The following GRID2 variants were observed in gnomAD, a reference collection of about 807,000 sequenced individuals.
GRID2 encodes glutamate receptor ionotropic, delta-2.
GRID2 carries 33 observed loss-of-function variants against 114.8 expected under a neutral mutation model. The ratio of observed to expected loss-of-function variants is 0.29; its 90% confidence interval spans 0.22 to 0.38. The LOEUF (loss-of-function observed/expected upper bound fraction) is 0.38, where lower values mean the gene tolerates loss of function less well. Ranked by LOEUF, GRID2 falls within the 10% of genes least tolerant of loss-of-function variation. The pLI is 1.00. For synonymous variants in GRID2, 505 were observed against 449.9 expected (o/e 1.12, Z -1.55); for missense variants, 1,184 against 1,257.7 (o/e 0.94, Z 0.89).
rs144621899 is a variant in GRID2, at chr4:93,033,364, G to C, written c.245-51631G>C. ...ACCGCAGGAAGAAGTACCTAAGGCA[G>C]ACTCCAAGAAAATACCAAACATAGA... On this transcript the variant is annotated intron_variant, in intron 2 of 15. Transcript: ENST00000282020. Among the ~76,000 whole-genome samples the C allele has an allele frequency of 5.9e-4, 90 of 152,308 alleles. 1 individual carries two copies. In the East Asian group the frequency reaches 0.017, roughly 28 times the overall value.
At chr4:92,526,396 T>G (rs796739684) in intron 1 of GRID2, among the ~76,000 whole-genome samples, 3 of 152,204 alleles carry the variant, frequency 2.0e-5, no homozygotes, top group African/African-American at 7.2e-5. Flanking sequence ...CAGGCAGGAG[T>G]GCAATGGAGC....
chr4:93,140,078 G>C (rs1735618618), intron 4 of GRID2, among the ~76,000 whole-genome samples: 1 of 151,822 alleles, frequency 6.6e-6, no homozygotes. Context: ...AAAGTATCTT[G>C]GATGTGCCAA....
chr4:92,896,190 T>A (rs1460909888), intron 2 of GRID2, among the ~76,000 whole-genome samples: 2 of 152,170 alleles, frequency 1.3e-5, no homozygotes, highest in Non-Finnish European at 2.9e-5. Flanking sequence ...AAAACAAATA[T>A]GTTCTGATTT....
At chr4:93,633,154 A>C (rs1399905258) in intron 14 of GRID2, among the ~76,000 whole-genome samples, 1 of 152,038 alleles carries the variant, frequency 6.6e-6, no homozygotes, top group African/African-American at 2.4e-5. Context: ...TGGGTCCATA[A>C]ATAGCTACTT....
Position 93,160,818 on chromosome 4 carries a change from C to A in GRID2, c.736-46586C>A, listed in dbSNP as rs1414340325. On this transcript the variant is annotated intron_variant, in intron 4 of 15. Coordinates refer to ENST00000282020, the MANE Select transcript of GRID2 (RefSeq NM_001510.4). ...AGTATCACTGTCACCTGGGAACTAG[C>A]TAGAAATGCATATTCTTAGGCACCA... 4.0e-5 allele frequency among the ~76,000 whole-genome samples: 6 copies of A among 151,746 alleles called. No homozygotes were observed. The Admixed American group carries it at 4.0e-4, about 10-fold the overall frequency.
At chr4:93,568,458 A>G (rs1735637181) in intron 13 of GRID2, among the ~76,000 whole-genome samples, 1 of 152,160 alleles carries the variant, frequency 6.6e-6, no homozygotes, top group Non-Finnish European at 1.5e-5. Flanking sequence ...TCTAAAATGC[A>G]TGGGACAGCC....
intron 4 of GRID2, among the ~76,000 whole-genome samples, chr4:93,171,854 C>A (rs1738856893): frequency 6.6e-6 from 1 of 152,132 alleles, no homozygotes; most frequent in South Asian, 2.1e-4. Context: ...GTTCATAGTT[C>A]TTTTAGTGAT....
chr4:93,096,463 T>C (rs1731238702), intron 3 of GRID2, among the ~76,000 whole-genome samples: 1 of 152,008 alleles, frequency 6.6e-6, no homozygotes, highest in Admixed American at 6.6e-5. Flanking sequence ...ATGTGAAATA[T>C]GTAAAGTGTT....
intron 1 of GRID2, among the ~76,000 whole-genome samples, chr4:92,439,005 TGG>T (rs1560629432): frequency 6.6e-6 from 1 of 152,130 alleles, no homozygotes; most frequent in African/African-American, 2.4e-5. Flanking sequence ...GTGAGCAACA[TGG>T]CTGTTTATTT....
Position 92,590,193 on chromosome 4 carries a change from C to T in GRID2, c.151C>T (p.Leu51Phe). ...GGTATTTCGCACTGCGGTTGGTGAC[C>T]TTAACCAGAATGAGGAGATCTTACA... ...DEVFRTAVGDLNQNEEILQTE... is the reference protein window; with the variant it reads ...DEVFRTAVGDFNQNEEILQTE... The change falls in exon 2 of 16, where the codon CTT (leucine) becomes TTT (phenylalanine). Residue 51 changes from leucine to phenylalanine, a missense_variant. By Grantham distance (22) the Leu-to-Phe change is conservative (BLOSUM62 0). This residue lies in a region of GRID2 where 455 missense variants were observed against 429.5 expected (regional missense o/e 1.06). Coordinates refer to ENST00000282020, the MANE Select transcript of GRID2 (RefSeq NM_001510.4). 1 of 1,611,426 alleles carries T rather than the reference C, an allele frequency of 6.2e-7. No homozygotes were observed. Among genetic ancestry groups the T allele is most frequent in the Non-Finnish European group, 8.5e-7 (1 of 1,177,652 alleles).
intron 2 of GRID2, chr4:92,822,027 T>G (rs1178250698): frequency 5.5e-6 from 1 of 181,098 alleles, no homozygotes; most frequent in Non-Finnish European, 1.2e-5. Flanking sequence ...TGCACCAGAT[T>G]GTCTATGTAG....
intron 13 of GRID2, among the ~76,000 whole-genome samples, chr4:93,575,501 A>G (rs1002386993): frequency 6.6e-6 from 1 of 152,094 alleles, no homozygotes; most frequent in Admixed American, 6.6e-5. Flanking sequence ...AATCCTTCCC[A>G]TATCTGCCAC....
At chr4:93,508,536 T>C (rs1728870456) in intron 12 of GRID2, among the ~76,000 whole-genome samples, 1 of 152,268 alleles carries the variant, frequency 6.6e-6, no homozygotes, top group African/African-American at 2.4e-5. Context: ...TGGTCATGAT[T>C]AGTCAGCTGT....
intron 1 of GRID2, among the ~76,000 whole-genome samples, chr4:92,479,277 C>T (rs1021610236): frequency 2.0e-5 from 3 of 152,000 alleles, no homozygotes; most frequent in Admixed American, 6.6e-5. Context: ...ATACATAGTC[C>T]TCCTTAGTCT....
At chr4:93,764,548 T>C (rs1420905594) in intron 14 of GRID2, among the ~76,000 whole-genome samples, 1 of 152,166 alleles carries the variant, frequency 6.6e-6, no homozygotes, top group Non-Finnish European at 1.5e-5. Flanking sequence ...TGCATCTTGC[T>C]CACTGAGATC....
chr4:92,942,183 A>G (rs552939390), intron 2 of GRID2, among the ~76,000 whole-genome samples: 1 of 152,124 alleles, frequency 6.6e-6, no homozygotes, highest in South Asian at 2.1e-4. Context: ...AAAGTCTCCC[A>G]TTATTATTGT....
intron 2 of GRID2, among the ~76,000 whole-genome samples, chr4:92,727,258 T>G: frequency 6.6e-6 from 1 of 152,160 alleles, no homozygotes; most frequent in East Asian, 1.9e-4. Context: ...TACAAAATGG[T>G]GTTTTAAAGT....
At chr4:92,332,220 T>C (rs1055990661) in intron 1 of GRID2, among the ~76,000 whole-genome samples, 1 of 152,104 alleles carries the variant, frequency 6.6e-6, no homozygotes. Flanking sequence ...AGGTCCACGA[T>C]TGAGGGGCTG....
chr4:93,482,607 C>A (rs564736329), intron 11 of GRID2, among the ~76,000 whole-genome samples: 1 of 151,820 alleles, frequency 6.6e-6, no homozygotes, highest in South Asian at 2.1e-4. Flanking sequence ...ACCTAAATGA[C>A]GGGTTGATGT....
Sources: gnomAD v4.1 joint callset for allele counts (sites outside exome capture counted in the v4.1 genomes callset) on GRCh38, gnomAD v4.1.1 for gene constraint, gnomAD v4.1.1 regional missense constraint, MANE v1.5 for transcripts, NCBI Gene and HGNC (gene_info 2026-07-23, HGNC 2026-07-21) for gene names.